SEZ6: variants seen among roughly 807,000 people sequenced by gnomAD.
SEZ6 encodes seizure related 6 homolog, also known as seizure protein 6 homolog.
Under a neutral mutation model 101.0 loss-of-function variants are expected in SEZ6, and 53 were observed. The observed-to-expected ratio is 0.52, with a 90% CI of 0.42 to 0.66. The LOEUF (loss-of-function observed/expected upper bound fraction) is 0.66. Ranked by LOEUF, SEZ6 falls within the 30% of genes least tolerant of loss-of-function variation. The pLI is 0.00. For missense variants in SEZ6, 1,102 were observed against 1,289.4 expected (o/e 0.85, Z 2.23); for synonymous variants, 488 against 512.2 (o/e 0.95, Z 0.64).
At chr17:29,003,571 G>T (rs537865223) in intron 1 of SEZ6, among the ~76,000 whole-genome samples, 1 of 152,362 alleles carries the variant, frequency 6.6e-6, no homozygotes, top group Non-Finnish European at 1.5e-5. Context: ...ATAGCCTGAG[G>T]TCTTTGCTCC....
In SEZ6 at chr17:28,969,831, G is replaced by A; in HGVS notation, c.980C>T (p.Thr327Ile). 5 of 1,529,144 alleles carry A rather than the reference G, an allele frequency of 3.3e-6. No individual in the cohort carries two copies. The highest frequency in any genetic ancestry group is 3.5e-6 in the Non-Finnish European group (4 of 1,148,910). 94.7% of individuals were successfully genotyped at this position (1,529,144 alleles called of 1,614,324 possible). Residue 327 changes from threonine (T) to isoleucine (I), a missense_variant, in exon 4 of 17, where the codon ACC becomes ATC. This residue lies in a region of SEZ6 where 406 missense variants were observed against 418.6 expected (regional missense o/e 0.97). Transcript: ENST00000317338. ...CTGGAACCTCAGGGCCGCTTGGTGG[G>A]TGGGGCTGCGGATGACTTGGCCCCG... Reference protein sequence around the residue: ...LLRGQVIRSPTHQAALRFQSL... With the variant: ...LLRGQVIRSPIHQAALRFQSL...
Position 28,969,776 on chromosome 17 carries a change from G to T in SEZ6, c.1035C>A (p.Thr345=). 1 of 1,497,776 alleles carries T rather than the reference G, an allele frequency of 6.7e-7. No homozygotes were observed. The highest frequency in any genetic ancestry group is 8.8e-7 in the Non-Finnish European group (1 of 1,131,498). The allele number at this position is 1,497,776 out of a possible 1,614,324, so 92.8% of individuals were successfully genotyped here. ...QSLPPPAGPG[T]FHFHYQAYLL... ...CCTTACCTTGGTAATGGAAATGGAA[G>T]GTGCCAGGGCCAGCCGGTGGCGGGA... is the stretch of plus-strand genomic sequence containing the variant. Residue 345 remains threonine (T), a synonymous_variant, in exon 4 of 17, where the codon ACC becomes ACA. Transcript: ENST00000317338.
At chr17:28,985,956 G>A (rs1051159010) in intron 1 of SEZ6, among the ~76,000 whole-genome samples, 1 of 152,140 alleles carries the variant, frequency 6.6e-6, no homozygotes, top group Non-Finnish European at 1.5e-5. Flanking sequence ...CCCTCCCGCA[G>A]GGCCGGGGGC....
At position 28,981,356 on chromosome 17, in the gene SEZ6, C is replaced by T; in HGVS notation, c.724+15G>A. The T allele has an allele frequency of 6.5e-7, 1 of 1,532,928 alleles. No individual in the cohort carries two copies. Among genetic ancestry groups the T allele is most frequent in the Non-Finnish European group, 8.8e-7 (1 of 1,134,596 alleles). 95.0% of individuals were successfully genotyped at this position (1,532,928 alleles called of 1,614,324 possible). A position where few individuals can be genotyped will look rare whatever the true frequency, so the allele number is the denominator to read the frequency against. The stretch of plus-strand genomic sequence containing the variant: ...CATCCCCATTTCCACATCTGCAAGC[C>T]AGCAGGTAGCTGACCTGGTGTCTGG... On this transcript the variant is annotated intron_variant, in intron 2 of 16. Coordinates refer to ENST00000317338, the MANE Select transcript of SEZ6 (RefSeq NM_178860.5).
chr17:28,994,762 C>A (rs528557319), intron 1 of SEZ6, among the ~76,000 whole-genome samples: 2 of 151,916 alleles, frequency 1.3e-5, no homozygotes, highest in East Asian at 3.9e-4. Context: ...AGTCACTGAC[C>A]CTTTATTATC....
chr17:28,964,912 C>T (rs1443825440), intron 4 of SEZ6, among the ~76,000 whole-genome samples: 3 of 151,584 alleles, frequency 2.0e-5, no homozygotes, highest in South Asian at 2.1e-4. Context: ...CAAAATTAGC[C>T]GGGCATGGTG....
intron 1 of SEZ6, among the ~76,000 whole-genome samples, chr17:29,002,852 C>T (rs2041633139): frequency 6.6e-6 from 1 of 152,208 alleles, no homozygotes; most frequent in Non-Finnish European, 1.5e-5. Flanking sequence ...CTCCTGGAAG[C>T]TGAGTCGTCC....
chr17:28,973,778 A>T (rs2041185186), intron 3 of SEZ6, among the ~76,000 whole-genome samples: 1 of 152,182 alleles, frequency 6.6e-6, no homozygotes, highest in East Asian at 1.9e-4. Flanking sequence ...GCATCTGTAG[A>T]GCCTGGGAGA....
intron 1 of SEZ6, among the ~76,000 whole-genome samples, chr17:28,998,334 A>T (rs2041570106): frequency 6.6e-6 from 1 of 151,456 alleles, no homozygotes; most frequent in Non-Finnish European, 1.5e-5. Context: ...TAGAGAGAAG[A>T]GCCTGTTGAG....
chr17:28,994,840 T>C (rs1170640429), intron 1 of SEZ6, among the ~76,000 whole-genome samples: 1 of 151,090 alleles, frequency 6.6e-6, no homozygotes, highest in African/African-American at 2.4e-5. Context: ...GGGCTTGGCA[T>C]GGTGGGGGAC....
chr17:28,972,515 C>G (rs1394534764), intron 3 of SEZ6, among the ~76,000 whole-genome samples: 2 of 152,162 alleles, frequency 1.3e-5, no homozygotes, highest in Non-Finnish European at 2.9e-5. Context: ...CCTGGTGGGT[C>G]TTTGGGCTGA....
At chr17:29,000,824 T>A (rs2041605842) in intron 1 of SEZ6, among the ~76,000 whole-genome samples, 1 of 152,062 alleles carries the variant, frequency 6.6e-6, no homozygotes. Context: ...TTAGGGTGGC[T>A]GTTATAGGGG....
chr17:28,995,589 T>C (rs1427521822), intron 1 of SEZ6, among the ~76,000 whole-genome samples: 1 of 152,192 alleles, frequency 6.6e-6, no homozygotes, highest in Non-Finnish European at 1.5e-5. Context: ...ATCCTTGTCC[T>C]GCTGAGCTCA....
chr17:28,975,814 G>T (rs1478751858), intron 3 of SEZ6, among the ~76,000 whole-genome samples: 1 of 152,250 alleles, frequency 6.6e-6, no homozygotes, highest in Non-Finnish European at 1.5e-5. Context: ...GGGCACGAGG[G>T]CAGGGACTGT....
intron 1 of SEZ6, among the ~76,000 whole-genome samples, chr17:28,991,805 C>G (rs991734575): frequency 2.6e-5 from 4 of 152,162 alleles, no homozygotes; most frequent in African/African-American, 9.7e-5. Flanking sequence ...TTCTTGTCAT[C>G]CACCGATGAG....
rs372524338 is a variant in SEZ6 at position 28,956,347 on chromosome 17, C to T, written c.2849+3G>A. On this transcript the variant is annotated splice_donor_region_variant and intron_variant, in intron 15 of 16. Coordinates refer to ENST00000317338, the MANE Select transcript of SEZ6 (RefSeq NM_178860.5). The stretch of plus-strand genomic sequence containing the variant: ...GCAGAGCAGAAAGAGAAGCCAGACT[C>T]ACCTGGAGAAGTAGAAGTATACACC... 5 of 1,573,258 alleles carry T rather than the reference C, an allele frequency of 3.2e-6. No homozygotes were observed. Among genetic ancestry groups the T allele is most frequent in the African/African-American group, 1.3e-5 (1 of 74,230 alleles).
intron 4 of SEZ6, 144 bp downstream of exon 4, chr17:28,969,613 A>T: frequency 1.3e-6 from 1 of 746,578 alleles, no homozygotes; most frequent in Non-Finnish European, 2.0e-6. Flanking sequence ...CCAATTGTCC[A>T]GAGCTTCACT....
At position 28,981,841 on chromosome 17, in the gene SEZ6, T is replaced by G. The variant is rs2041311202; in HGVS notation, c.254A>C (p.Asp85Ala). 1.2e-6 allele frequency: 2 copies of G among 1,613,868 alleles called. No homozygotes were observed. Among genetic ancestry groups the G allele is most frequent in the Non-Finnish European group, 8.5e-7 (1 of 1,179,852 alleles). ...EFLQEGLEKG[D>A]EELRPALPFQ... ...GGGCAGTGCTGGCCTCAGCTCCTCA[T>G]CTCCCTTTTCCAGCCCCTCTTGTAG... Residue 85 changes from aspartate (D) to alanine (A), a missense_variant, in exon 2 of 17, where the codon GAT becomes GCT. Transcript: ENST00000317338.
At chr17:28,967,076 C>T (rs1332161956) in intron 4 of SEZ6, among the ~76,000 whole-genome samples, 2 of 152,178 alleles carry the variant, frequency 1.3e-5, no homozygotes, top group Non-Finnish European at 2.9e-5. Flanking sequence ...CATTTATCCA[C>T]CCACTTTCAG....
Sources: allele counts gnomAD v4.1 joint callset (sites outside exome capture counted in the v4.1 genomes callset), GRCh38; gene constraint gnomAD v4.1.1; regional missense constraint gnomAD v4.1.1; transcripts MANE v1.5; gene names NCBI Gene and HGNC (gene_info 2026-07-23, HGNC 2026-07-21).